Variants in SLC8A1 observed in about 807,000 individuals in gnomAD.
SLC8A1 encodes the protein solute carrier family 8 member A1.
Under a neutral mutation model 68.3 loss-of-function variants are expected in SLC8A1, and 18 were observed. The observed-to-expected ratio is 0.26, with a 90% CI of 0.18 to 0.39. The LOEUF (loss-of-function observed/expected upper bound fraction) is 0.39, where lower values mean the gene tolerates loss of function less well. SLC8A1 is among the 10% of genes least tolerant of loss of function. SLC8A1 has a pLI of 1.00. For missense variants in SLC8A1, 985 were observed against 1,156.7 expected, an observed-to-expected ratio of 0.85 and a Z score of 2.15; for synonymous variants, 475 against 415.5, an observed-to-expected ratio of 1.14 and a Z score of -1.74.
rs139596581 is a variant in SLC8A1 at position 40,347,407 on chromosome 2, G to A, written c.1808+81066C>T. On this transcript the variant is annotated intron_variant, in intron 2 of 7. Coordinates refer to ENST00000406785, the Ensembl canonical transcript of SLC8A1. Reference sequence around the variant, plus strand: ...TCACAGGGCCTTTGAATGTACTATCGTAGAAGTCAGCAGAGAAAGAAGAGA... The same window carrying A: ...TCACAGGGCCTTTGAATGTACTATCATAGAAGTCAGCAGAGAAAGAAGAGA... 1.2e-3 allele frequency among the ~76,000 whole-genome samples: 189 copies of A among 152,288 alleles called. 3 individuals are homozygous for A. The highest frequency in any genetic ancestry group is 4.1e-3 in the African/African-American group (171 of 41,558).
At chr2:40,185,666 A>G (rs1349963554) in intron 2 of SLC8A1, among the ~76,000 whole-genome samples, 1 of 152,166 alleles carries the variant, frequency 6.6e-6, no homozygotes, top group African/African-American at 2.4e-5. Flanking sequence ...AATGTTCTAA[A>G]ATTGATTGTA....
At chr2:40,102,319 T>G (rs557793988) in exon 8 of SLC8A1, 1 of 152,190 alleles carries the variant, frequency 6.6e-6, no homozygotes, top group East Asian at 1.9e-4. Flanking sequence ...ACAGCTAAAT[T>G]TGTTCACAAT....
At chr2:40,453,009 T>G (rs2301343), upstream of SLC8A1, among the ~76,000 whole-genome samples, 32,828 of 152,016 alleles carry the variant, frequency 0.22, 3,979 homozygotes, top group Middle Eastern at 0.28. Context: ...ATAAATCACT[T>G]TCCTCATAAT....
intron 1 of SLC8A1, among the ~76,000 whole-genome samples, chr2:40,486,628 G>T (rs1195455869): frequency 6.6e-6 from 1 of 151,828 alleles, no homozygotes; most frequent in Non-Finnish European, 1.5e-5. Context: ...ATACAAGTTA[G>T]AAAGAATGGG....
At chr2:40,288,540 C>A (rs568888479) in intron 2 of SLC8A1, among the ~76,000 whole-genome samples, 3 of 152,072 alleles carry the variant, frequency 2.0e-5, no homozygotes, top group Admixed American at 1.3e-4. Flanking sequence ...TTGAGGAAAA[C>A]TTCACAGGGA....
At chr2:40,233,394 CTT>C (rs1453684412) in intron 2 of SLC8A1, among the ~76,000 whole-genome samples, 137 of 151,174 alleles carry the variant, frequency 9.1e-4, no homozygotes, top group Non-Finnish European at 1.8e-3. Context: ...TAAATGTCTT[CTT>C]TTGAGAAGTG....
intron 2 of SLC8A1, among the ~76,000 whole-genome samples, chr2:40,247,599 T>C (rs1257401037): frequency 6.6e-6 from 1 of 152,232 alleles, no homozygotes; most frequent in South Asian, 2.1e-4. Context: ...ACATTAGCTG[T>C]ATTGGCCTAT....
chr2:40,222,086 A>G (rs1397804834), intron 2 of SLC8A1, among the ~76,000 whole-genome samples: 1 of 152,110 alleles, frequency 6.6e-6, no homozygotes, highest in African/African-American at 2.4e-5. Flanking sequence ...GAAAGAACAA[A>G]GCTGGAGGCA....
intron 2 of SLC8A1, among the ~76,000 whole-genome samples, chr2:40,248,791 C>CAGGT (rs2062268892): frequency 6.6e-6 from 1 of 152,174 alleles, no homozygotes; most frequent in South Asian, 2.1e-4. Context: ...GGTGGGACTA[C>CAGGT]TGGCTGTTGA....
At chr2:40,456,075 G>C (rs188022294), upstream of SLC8A1, among the ~76,000 whole-genome samples, 4 of 152,292 alleles carry the variant, frequency 2.6e-5, no homozygotes, top group Admixed American at 2.6e-4. Flanking sequence ...CCAGCACTTT[G>C]GGAGGTTGAG....
intron 2 of SLC8A1, among the ~76,000 whole-genome samples, chr2:40,302,416 T>A (rs1226286443): frequency 6.7e-6 from 1 of 149,570 alleles, no homozygotes; most frequent in Non-Finnish European, 1.5e-5. Flanking sequence ...TCATTCCTTT[T>A]TATGGCTGGG....
At chr2:40,313,723 G>A (rs1386673666) in intron 2 of SLC8A1, among the ~76,000 whole-genome samples, 1 of 151,952 alleles carries the variant, frequency 6.6e-6, no homozygotes, top group African/African-American at 2.4e-5. Context: ...TTTAATTGTA[G>A]CTACTCTATT....
At chr2:40,137,199 A>G (rs2040666238) in intron 7 of SLC8A1, among the ~76,000 whole-genome samples, 1 of 152,266 alleles carries the variant, frequency 6.6e-6, no homozygotes, top group Non-Finnish European at 1.5e-5. Context: ...TCTTAAAACA[A>G]GAGACACACA....
At chr2:40,261,215 A>T (rs1335242995) in intron 2 of SLC8A1, among the ~76,000 whole-genome samples, 1 of 152,158 alleles carries the variant, frequency 6.6e-6, no homozygotes, top group African/African-American at 2.4e-5. Flanking sequence ...TCAATTACCC[A>T]CAAGTCCCTG....
At chr2:40,186,611 A>G (rs988215242) in intron 2 of SLC8A1, among the ~76,000 whole-genome samples, 6 of 152,100 alleles carry the variant, frequency 3.9e-5, no homozygotes, top group Non-Finnish European at 7.4e-5. Flanking sequence ...ATTTGGGGGG[A>G]TAGTCATAAA....
chr2:40,230,155 T>C (rs1336901945), intron 2 of SLC8A1, among the ~76,000 whole-genome samples: 1 of 152,194 alleles, frequency 6.6e-6, no homozygotes, highest in Non-Finnish European at 1.5e-5. Context: ...CAAGCCATCC[T>C]ATGATAAGTA....
chr2:40,506,858 CA>C (rs1488446014), intron 1 of SLC8A1, among the ~76,000 whole-genome samples: 1 of 151,966 alleles, frequency 6.6e-6, no homozygotes, highest in Non-Finnish European at 1.5e-5. Context: ...AGAAGGTGGA[CA>C]TGACCTCTAT....
intron 2 of SLC8A1, among the ~76,000 whole-genome samples, chr2:40,350,729 T>C (rs1670821289): frequency 6.6e-6 from 1 of 151,406 alleles, no homozygotes; most frequent in South Asian, 2.1e-4. Context: ...TTATAAATTA[T>C]AAAAGCACAA....
At chr2:40,321,523 T>C (rs1416179927) in intron 2 of SLC8A1, among the ~76,000 whole-genome samples, 2 of 152,220 alleles carry the variant, frequency 1.3e-5, no homozygotes, top group East Asian at 1.9e-4. Flanking sequence ...GACTGGGTAA[T>C]TTACAAAGAA....
Sources: gnomAD v4.1 joint callset for allele counts (sites outside exome capture counted in the v4.1 genomes callset) on GRCh38, gnomAD v4.1.1 for gene constraint, MANE v1.5 for transcripts, NCBI Gene and HGNC (gene_info 2026-07-23, HGNC 2026-07-21) for gene names.